UGT1A9: variants seen among roughly 807,000 people sequenced by gnomAD.
UGT1A9 encodes the protein UDP glucuronosyltransferase family 1 member A9.
Under a neutral mutation model 45.0 loss-of-function variants are expected in UGT1A9, and 35 were observed. The ratio of observed to expected loss-of-function variants is 0.78; its 90% confidence interval spans 0.59 to 1.03. The LOEUF (loss-of-function observed/expected upper bound fraction) is 1.03, where lower values mean the gene tolerates loss of function less well. Ranked by LOEUF, UGT1A9 falls within the 50% of genes least tolerant of loss-of-function variation. The pLI, the probability that UGT1A9 is intolerant of heterozygous loss-of-function variation, is 0.00. For missense variants in UGT1A9, 687 were observed against 666.6 expected (o/e 1.03, Z -0.34); for synonymous variants, 278 against 250.6 (o/e 1.11, Z -1.03).
intron 1 of UGT1A9, among the ~76,000 whole-genome samples, chr2:233,711,224 G>A (rs1203779034): frequency 2.0e-5 from 3 of 152,198 alleles, no homozygotes; most frequent in Non-Finnish European, 4.4e-5. Context: ...CTCCCATGTC[G>A]CTGAAGGCAC....
intron 1 of UGT1A9, among the ~76,000 whole-genome samples, chr2:233,758,340 C>G (rs1004425999): frequency 6.6e-6 from 1 of 152,226 alleles, no homozygotes; most frequent in Non-Finnish European, 1.5e-5. Flanking sequence ...CTTGGAAGCT[C>G]TGCATGATGC....
chr2:233,760,285 G>A (rs376515645), intron 1 of UGT1A9: 12 of 1,612,814 alleles, frequency 7.4e-6, no homozygotes, highest in African/African-American at 4.0e-5. Context: ...GAGCAAAGGC[G>A]CCATGGCTGT....
rs2078696404 is a variant in UGT1A9 at position 233,735,803 on chromosome 2, A to G, written c.856-31231A>G. ...TGGCTGCATATGAATTTCTGGGTTG[A>G]AAATTCTTTTCTTTAAGAATGTTGA... On this transcript the variant is annotated intron_variant, in intron 1 of 4. Transcript: ENST00000354728. 2.0e-5 allele frequency among the ~76,000 whole-genome samples: 3 copies of G among 152,192 alleles called. No individual in the cohort carries two copies. The South Asian group carries it at 6.2e-4, about 31-fold the overall frequency.
chr2:233,726,709 GA>G (rs2077554030), intron 1 of UGT1A9, among the ~76,000 whole-genome samples: 1 of 152,172 alleles, frequency 6.6e-6, no homozygotes, highest in African/African-American at 2.4e-5. Flanking sequence ...TCCCAGGTTT[GA>G]GGAAGTACAA....
At chr2:233,743,343 C>T in intron 1 of UGT1A9, 5 of 866,282 alleles carry the variant, frequency 5.8e-6, no homozygotes, top group South Asian at 1.4e-5. Context: ...CAGTGGAAGT[C>T]GACATGGACT....
intron 2 of UGT1A9, 64 bp downstream of exon 2, chr2:233,767,229 A>T (rs1699343711): frequency 6.2e-7 from 1 of 1,610,454 alleles, no homozygotes; most frequent in South Asian, 1.1e-5. Context: ...CCAGACTTCC[A>T]GCTTCCAGAT....
At position 233,725,224 on chromosome 2, in the gene UGT1A9, CAGAGGCAGA is replaced by C. The variant is rs1559370411; in HGVS notation, c.856-41809_856-41801del. On this transcript the variant is annotated intron_variant, in intron 1 of 4. Transcript: ENST00000354728. ...GAGGCAGAGGCAGAGGCAGAGGAGG[CAGAGGCAGA>C]GGAGGCAGAGGCAGAGGAGGCAGAG... Among the ~76,000 whole-genome samples the C allele has an allele frequency of 9.6e-4, 83 of 86,752 alleles. 33 individuals carry two copies. The highest frequency in any genetic ancestry group is 6.1e-3 in the African/African-American group (72 of 11,874). The allele number at this position is 86,752 out of a possible 152,430, so 56.9% of individuals were successfully genotyped here. A position where few individuals can be genotyped will look rare whatever the true frequency, so the allele number is the denominator to read the frequency against.
At chr2:233,718,852 G>T in intron 1 of UGT1A9, 2 of 1,613,718 alleles carry the variant, frequency 1.2e-6, no homozygotes, top group Non-Finnish European at 1.7e-6. Flanking sequence ...CCCCTGCCGC[G>T]GCTGGCCACA....
At chr2:233,762,434 G>T (rs1698074575) in intron 1 of UGT1A9, among the ~76,000 whole-genome samples, 1 of 152,184 alleles carries the variant, frequency 6.6e-6, no homozygotes, top group Non-Finnish European at 1.5e-5. Flanking sequence ...GAGTAACAGT[G>T]TATTCCCACT....
intron 1 of UGT1A9, chr2:233,743,596 C>T (rs925952692): frequency 1.5e-6 from 2 of 1,367,220 alleles, no homozygotes; most frequent in Admixed American, 1.9e-5. Flanking sequence ...AGAATGGGTC[C>T]TGGCCGCCGA....
At chr2:233,691,237 T>C in intron 1 of UGT1A9, 1 of 985,554 alleles carries the variant, frequency 1.0e-6, no homozygotes, top group Non-Finnish European at 1.2e-6. Flanking sequence ...CTTATTGCTA[T>C]CTAGATGAAC....
intron 1 of UGT1A9, among the ~76,000 whole-genome samples, chr2:233,719,947 A>G (rs1392958474): frequency 6.6e-6 from 1 of 152,220 alleles, no homozygotes; most frequent in Admixed American, 6.5e-5. Context: ...TAAAGGCACC[A>G]TCTTCATGGT....
intron 1 of UGT1A9, chr2:233,747,734 G>A: frequency 6.2e-7 from 1 of 1,613,288 alleles, no homozygotes; most frequent in Middle Eastern, 1.7e-4. Context: ...TTTTTTTGAG[G>A]AACATTCCAT....
At chr2:233,703,642 A>C (rs548385935) in intron 1 of UGT1A9, among the ~76,000 whole-genome samples, 1 of 152,128 alleles carries the variant, frequency 6.6e-6, no homozygotes, top group African/African-American at 2.4e-5. Context: ...TAGTATAACC[A>C]ATCTGCATTT....
intron 1 of UGT1A9, among the ~76,000 whole-genome samples, chr2:233,727,290 G>A (rs1306281777): frequency 6.6e-6 from 1 of 152,162 alleles, no homozygotes; most frequent in Non-Finnish European, 1.5e-5. Flanking sequence ...GGAAGCTGAT[G>A]ACTTGGGCAG....
chr2:233,734,406 C>A (rs543210294), intron 1 of UGT1A9, among the ~76,000 whole-genome samples: 1 of 152,048 alleles, frequency 6.6e-6, no homozygotes, highest in East Asian at 1.9e-4. Flanking sequence ...CTATTTGATT[C>A]TTCTCTCTTT....
chr2:233,754,919 G>C, intron 1 of UGT1A9: 9 of 1,353,338 alleles, frequency 6.7e-6, no homozygotes, highest in Non-Finnish European at 8.9e-6. Context: ...TCTCCAGCGG[G>C]TTTCCCAAGA....
intron 1 of UGT1A9, chr2:233,760,764 C>A (rs199766420): frequency 8.1e-6 from 13 of 1,614,088 alleles, no homozygotes; most frequent in Non-Finnish European, 1.0e-5. Context: ...GCAGCCCCAT[C>A]GTGGCCCAGT....
intron 2 of UGT1A9, among the ~76,000 whole-genome samples, chr2:233,767,555 C>A (rs1317722684): frequency 3.3e-5 from 5 of 152,206 alleles, no homozygotes; most frequent in Non-Finnish European, 7.3e-5. Context: ...AGTTCTGCAT[C>A]CACTTGTTTC....
Sources: allele counts gnomAD v4.1 joint callset (sites outside exome capture counted in the v4.1 genomes callset), GRCh38; gene constraint gnomAD v4.1.1; transcripts MANE v1.5; gene names NCBI Gene and HGNC (gene_info 2026-07-23, HGNC 2026-07-21).